SULT1A1: variants seen among roughly 807,000 people sequenced by gnomAD.
The protein encoded by SULT1A1 is sulfotransferase 1A1.
Under a neutral mutation model 36.8 loss-of-function variants are expected in SULT1A1, and 35 were observed. The observed-to-expected ratio is 0.95, with a 90% confidence interval of 0.73 to 1.26. The LOEUF is 1.26. Among genes scored for constraint, SULT1A1 ranks in the 50% most tolerant of loss-of-function variants. The pLI, the probability that SULT1A1 is intolerant of heterozygous loss-of-function variation, is 0.00. For missense variants in SULT1A1, 309 were observed against 383.0 expected, an observed-to-expected ratio of 0.81 and a Z score of 1.61; for synonymous variants, 119 against 146.0, an observed-to-expected ratio of 0.82 and a Z score of 1.33.
rs534306983 is a variant in SULT1A1 at position 28,622,501 on chromosome 16, G to A, written c.67+630C>T. On this transcript the variant is annotated intron_variant, in intron 1 of 5. Coordinates refer to the SULT1A1 transcript ENST00000350842. ...GATCCAAGGTCCCTTGATGTTTTCC[G>A]TGAGACCCCAGGGGAAAATCTTGTT... Among the ~76,000 whole-genome samples the A allele has an allele frequency of 3.3e-5, 5 of 152,176 alleles. No homozygotes were observed. In the East Asian group the frequency reaches 7.8e-4, roughly 24 times the overall value.
chr16:28,619,363 C>T (rs1440196629), intron 2 of SULT1A1, among the ~76,000 whole-genome samples: 1 of 152,158 alleles, frequency 6.6e-6, no homozygotes, highest in Non-Finnish European at 1.5e-5. Flanking sequence ...CTCTTAAAGC[C>T]TCTCCTCATA....
intron 2 of SULT1A1, among the ~76,000 whole-genome samples, chr16:28,618,754 A>G (rs2047595584): frequency 6.6e-6 from 1 of 152,166 alleles, no homozygotes; most frequent in Non-Finnish European, 1.5e-5. Flanking sequence ...TTCACTATCA[A>G]TACCTTTGTG....
upstream of SULT1A1, chr16:28,611,096 G>A (rs1197015236): frequency 6.6e-6 from 1 of 152,428 alleles, no homozygotes; most frequent in African/African-American, 2.4e-5. Flanking sequence ...CAGGCTACTA[G>A]CTCCACCCCT....
intron 1 of SULT1A1, among the ~76,000 whole-genome samples, chr16:28,621,482 CAAAAAAAAAAAA>C (rs59910514): frequency 1.7e-5 from 1 of 59,540 alleles, no homozygotes; most frequent in African/African-American, 9.1e-5. Flanking sequence ...GACTCTGTCT[CAAAAAAAAAAAA>C]AAAAAAAAAA....
chr16:28,621,662 C>G lies in SULT1A1; in HGVS notation c.67+1469G>C, dbSNP rs114925930. On this transcript the variant is annotated intron_variant, in intron 1 of 5. Transcript: ENST00000350842. Reference sequence around the variant, plus strand: ...TTGCAAATCTAGTCTGCAAATCACACGCCGGGACCAGGCACAGACCTTCTG... The same window carrying G: ...TTGCAAATCTAGTCTGCAAATCACAGGCCGGGACCAGGCACAGACCTTCTG... Among the ~76,000 whole-genome samples, 868 of 152,088 alleles carry G rather than the reference C, an allele frequency of 5.7e-3. 7 individuals are homozygous for G. Among genetic ancestry groups the G allele is most frequent in the Non-Finnish European group, 9.1e-3 (617 of 67,986 alleles).
At chr16:28,611,539 A>C (rs2047452575), upstream of SULT1A1, 1 of 152,306 alleles carries the variant, frequency 6.6e-6, no homozygotes, top group African/African-American at 2.4e-5. Flanking sequence ...ACTCTTCATG[A>C]ATATACCCCT....
chr16:28,622,360 G>A (rs558683507), intron 1 of SULT1A1, among the ~76,000 whole-genome samples: 1 of 152,154 alleles, frequency 6.6e-6, no homozygotes, highest in South Asian at 2.1e-4. Context: ...CTTATTGTAC[G>A]CAGTAGAGAA....
intron 1 of SULT1A1, 121 bp downstream of exon 1, chr16:28,609,810 G>A: frequency 9.3e-7 from 1 of 1,077,366 alleles, no homozygotes; most frequent in Non-Finnish European, 1.2e-6. Flanking sequence ...GGCCAGGGTT[G>A]TCTGAAATGG....
At chr16:28,619,932 C>T in intron 2 of SULT1A1, 1 of 665,632 alleles carries the variant, frequency 1.5e-6, no homozygotes, top group Non-Finnish European at 2.4e-6. Flanking sequence ...CATATATATA[C>T]ATATACACAT....
chr16:28,622,459 T>C (rs764110068), intron 1 of SULT1A1, among the ~76,000 whole-genome samples: 1 of 152,100 alleles, frequency 6.6e-6, no homozygotes, highest in Non-Finnish European at 1.5e-5. Flanking sequence ...CACAGGTATA[T>C]AGTCCTCTAT....
chr16:28,619,419 C>T (rs1228156053), intron 2 of SULT1A1, among the ~76,000 whole-genome samples: 1 of 152,098 alleles, frequency 6.6e-6, no homozygotes, highest in Non-Finnish European at 1.5e-5. Flanking sequence ...AATATTGGAC[C>T]CTTCTGCCAA....
At chr16:28,608,999 G>A (rs4149383) in intron 1 of SULT1A1, 140 bp from the exon 2 acceptor site, 174,610 of 1,542,454 alleles carry the variant, frequency 0.11, 6,417 homozygotes, top group East Asian at 0.26. Context: ...ACTCAGTGGC[G>A]GGGCTGGGGC....
At chr16:28,607,155 A>C in intron 4 of SULT1A1, 78 bp from the exon 5 acceptor site, 1 of 1,592,704 alleles carries the variant, frequency 6.3e-7, no homozygotes, top group Non-Finnish European at 8.6e-7. Flanking sequence ...TGGATTGGCA[A>C]AGGAGGAACC....
chr16:28,610,260 T>TA, upstream of SULT1A1: 49 of 1,107,898 alleles, frequency 4.4e-5, no homozygotes, highest in Non-Finnish European at 5.5e-5. Context: ...GGTTTTTTTT[T>TA]TCTGTTTTTT....
Position 28,605,602 on chromosome 16 carries a change from T to G in SULT1A1, c.*219A>C. On this transcript the variant is annotated 3_prime_UTR_variant, in exon 8 of 8. Transcript: ENST00000314752. ...TCATATTTTATTCTCTTTTTAAAAATTGGTTTTATTTTATTTTATTTTTTT... is the reference window on the plus strand; with the variant it reads ...TCATATTTTATTCTCTTTTTAAAAAGTGGTTTTATTTTATTTTATTTTTTT... 1.3e-6 allele frequency: 1 copy of G among 773,038 alleles called. No individual in the cohort carries two copies. The highest frequency in any genetic ancestry group is 2.0e-6 in the Non-Finnish European group (1 of 488,772). The allele number at this position is 773,038 out of a possible 1,614,324, so 47.9% of individuals were successfully genotyped here. A position where few individuals can be genotyped will look rare whatever the true frequency, so the allele number is the denominator to read the frequency against.
At chr16:28,609,517 C>G in intron 1 of SULT1A1, 5 of 810,122 alleles carry the variant, frequency 6.2e-6, no homozygotes, top group Non-Finnish European at 8.8e-6. Flanking sequence ...TAATCCCAGA[C>G]CCTAGGGAGG....
intron 1 of SULT1A1, chr16:28,622,993 C>T (rs1596659472): frequency 8.4e-7 from 1 of 1,186,150 alleles, no homozygotes; most frequent in Middle Eastern, 2.8e-4. Context: ...TGAAGCAGCT[C>T]CGGTCTCAGA....
intron 1 of SULT1A1, among the ~76,000 whole-genome samples, chr16:28,621,648 GT>G (rs1464600928): frequency 6.6e-6 from 1 of 152,000 alleles, no homozygotes; most frequent in Non-Finnish European, 1.5e-5. Flanking sequence ...TGCAAATCTA[GT>G]CTGCAAATCA....
At chr16:28,608,248 A>T in intron 4 of SULT1A1, 43 bp downstream of exon 4, 1 of 1,607,830 alleles carries the variant, frequency 6.2e-7, no homozygotes, top group Admixed American at 1.7e-5. Flanking sequence ...CAGCCTCCCA[A>T]AGTGCTGGGA....
Sources: gnomAD v4.1 joint callset for allele counts (sites outside exome capture counted in the v4.1 genomes callset) on GRCh38, gnomAD v4.1.1 for gene constraint, MANE v1.5 for transcripts, NCBI Gene and HGNC (gene_info 2026-07-23, HGNC 2026-07-21) for gene names.